PDS5A: variants seen among roughly 807,000 people sequenced by gnomAD.
PDS5A encodes sister chromatid cohesion protein PDS5 homolog A.
A neutral mutation model predicts 167.1 loss-of-function variants in PDS5A; 42 were observed. The observed-to-expected ratio is 0.25, with a 90% CI of 0.20 to 0.33. The LOEUF (loss-of-function observed/expected upper bound fraction) is 0.33, where lower values mean the gene tolerates loss of function less well. Among genes scored for constraint, PDS5A ranks in the 10% least tolerant of loss-of-function variants. The pLI is 1.00. For synonymous variants in PDS5A, 553 were observed against 554.6 expected (o/e 1.00, Z 0.04); for missense variants, 1,033 against 1,605.9 (o/e 0.64, Z 6.10).
chr4:39,839,631 C>T (rs1487324966), intron 31 of PDS5A, among the ~76,000 whole-genome samples: 1 of 151,670 alleles, frequency 6.6e-6, no homozygotes, highest in Non-Finnish European at 1.5e-5. Context: ...AGTTAAGCTA[C>T]TGTGGTGTAA....
At chr4:39,841,088 G>A (rs927331568) in intron 31 of PDS5A, among the ~76,000 whole-genome samples, 5 of 151,984 alleles carry the variant, frequency 3.3e-5, no homozygotes, top group Admixed American at 6.6e-5. Flanking sequence ...TAGAAACAAA[G>A]CAAAGGGCTG....
intron 2 of PDS5A, among the ~76,000 whole-genome samples, chr4:39,969,639 C>A (rs1034764712): frequency 6.6e-6 from 1 of 152,032 alleles, no homozygotes; most frequent in Admixed American, 6.6e-5. Context: ...GCACTCCAGC[C>A]TGGGCAACAA....
chr4:39,831,794 T>C (rs1357181230), intron 32 of PDS5A, among the ~76,000 whole-genome samples: 2 of 139,852 alleles, frequency 1.4e-5, no homozygotes, highest in Non-Finnish European at 3.0e-5. Context: ...GGAGAATTGC[T>C]TGGACTGGAA....
intron 2 of PDS5A, among the ~76,000 whole-genome samples, chr4:39,935,239 T>C (rs532762201): frequency 2.1e-3 from 317 of 152,244 alleles, no homozygotes; most frequent in African/African-American, 7.3e-3. Context: ...CCCAAGTAGC[T>C]GGGATTACAG....
intron 2 of PDS5A, among the ~76,000 whole-genome samples, chr4:39,950,356 G>A (rs1379186652): frequency 6.6e-6 from 1 of 151,932 alleles, no homozygotes; most frequent in Non-Finnish European, 1.5e-5. Context: ...GAACCCGGGA[G>A]GTGGAGATTG....
chr4:39,881,658 T>TA (rs937931511), intron 17 of PDS5A, among the ~76,000 whole-genome samples: 1 of 152,170 alleles, frequency 6.6e-6, no homozygotes, highest in Non-Finnish European at 1.5e-5. Context: ...ATCACTATCC[T>TA]AAGTCAAACC....
chr4:39,972,889 T>A (rs1408145208), intron 2 of PDS5A, among the ~76,000 whole-genome samples: 1 of 149,292 alleles, frequency 6.7e-6, no homozygotes, highest in Non-Finnish European at 1.5e-5. Context: ...TTTGTCTTTA[T>A]ATTTTATTAT....
chr4:39,882,931 C>T (rs1385951993), intron 17 of PDS5A, among the ~76,000 whole-genome samples: 2 of 152,096 alleles, frequency 1.3e-5, no homozygotes, highest in African/African-American at 2.4e-5. Flanking sequence ...CCATTCTAAA[C>T]GAAGTCTAAA....
At chr4:39,950,088 G>T (rs563198076) in intron 2 of PDS5A, among the ~76,000 whole-genome samples, 1 of 151,888 alleles carries the variant, frequency 6.6e-6, no homozygotes, top group Non-Finnish European at 1.5e-5. Flanking sequence ...TATGTTTTTA[G>T]TAGAGATGGG....
intron 31 of PDS5A, among the ~76,000 whole-genome samples, chr4:39,840,115 A>C (rs946588136): frequency 1.3e-5 from 2 of 151,422 alleles, no homozygotes; most frequent in Non-Finnish European, 2.9e-5. Context: ...ACAAAACAAA[A>C]CAGAACAAAA....
At chr4:39,837,203 T>A (rs186943059) in intron 32 of PDS5A, 26 of 152,316 alleles carry the variant, frequency 1.7e-4, no homozygotes, top group African/African-American at 5.8e-4. Context: ...TCTGGGACTC[T>A]TCCCTAGAAG....
At chr4:39,960,757 T>C (rs1378661495) in intron 2 of PDS5A, among the ~76,000 whole-genome samples, 1 of 151,798 alleles carries the variant, frequency 6.6e-6, no homozygotes, top group Non-Finnish European at 1.5e-5. Context: ...TGGTGTGATC[T>C]CAGCTCACTG....
intron 17 of PDS5A, among the ~76,000 whole-genome samples, chr4:39,888,508 G>A (rs762121802): frequency 2.6e-5 from 4 of 152,000 alleles, no homozygotes; most frequent in African/African-American, 4.8e-5. Flanking sequence ...TGTTTATTGT[G>A]TCACTATTCA....
Position 39,902,328 on chromosome 4 carries a change from T to C in PDS5A, c.1499+19A>G, listed in dbSNP as rs763604243. The C allele has an allele frequency of 9.9e-6, 11 of 1,105,934 alleles. No individual in the cohort carries two copies. The Admixed American group carries it at 1.6e-4, about 17-fold the overall frequency. 68.5% of individuals were successfully genotyped at this position (1,105,934 alleles called of 1,614,324 possible). On this transcript the variant is annotated intron_variant, in intron 13 of 32. Coordinates refer to ENST00000303538, the MANE Select transcript of PDS5A (RefSeq NM_001100399.2). ...CGAAATCCTTAGAAAATACAGCAGT[T>C]ATTTGAAAAGTAACTTACTTTACAG... is the stretch of plus-strand genomic sequence containing the variant.
chr4:39,949,810 ACT>A (rs1177371825), intron 2 of PDS5A, among the ~76,000 whole-genome samples: 2 of 128,612 alleles, frequency 1.6e-5, no homozygotes, highest in Non-Finnish European at 3.2e-5. Context: ...ACAGAATAAG[ACT>A]CTGTCTCAGA....
At chr4:39,833,528 A>C (rs1010648912) in intron 32 of PDS5A, among the ~76,000 whole-genome samples, 4 of 152,024 alleles carry the variant, frequency 2.6e-5, no homozygotes, top group African/African-American at 9.7e-5. Flanking sequence ...AGCCAAGACT[A>C]TGGGCACATA....
rs548897736 is a variant in PDS5A, at chr4:39,883,917, A to G, written c.1887-4084T>C. On this transcript the variant is annotated intron_variant, in intron 17 of 32. Transcript: ENST00000303538. ...AGTGCTGGGATTTCTGGCGTGAGTC[A>G]CCACACCCAGCCTTCTCCTTTGCTT... 9.4e-5 allele frequency among the ~76,000 whole-genome samples: 14 copies of G among 148,362 alleles called. No individual in the cohort carries two copies. The South Asian group carries it at 3.0e-3, about 32-fold the overall frequency.
intron 2 of PDS5A, among the ~76,000 whole-genome samples, chr4:39,950,961 T>G (rs1396782610): frequency 6.6e-6 from 1 of 152,000 alleles, no homozygotes; most frequent in Non-Finnish European, 1.5e-5. Context: ...TGGAATACAG[T>G]GGCACAATCA....
At chr4:39,840,633 C>T (rs979610563) in intron 31 of PDS5A, among the ~76,000 whole-genome samples, 17 of 150,888 alleles carry the variant, frequency 1.1e-4, no homozygotes, top group African/African-American at 3.4e-4. Flanking sequence ...TGACCTCAGG[C>T]GATTTGCCTG....
Sources: allele counts gnomAD v4.1 joint callset (sites outside exome capture counted in the v4.1 genomes callset), GRCh38; gene constraint gnomAD v4.1.1; transcripts MANE v1.5; gene names NCBI Gene and HGNC (gene_info 2026-07-23, HGNC 2026-07-21).